The following KCNIP4 variants were observed in gnomAD, a reference collection of about 807,000 sequenced individuals.
The protein encoded by KCNIP4 is Kv channel-interacting protein 4.
A neutral mutation model predicts 34.0 loss-of-function variants in KCNIP4; 12 were observed. The ratio of observed to expected loss-of-function variants is 0.35; its 90% confidence interval spans 0.23 to 0.57. The LOEUF is 0.57. KCNIP4 is among the 20% of genes least tolerant of loss of function. The pLI, the probability that KCNIP4 is intolerant of heterozygous loss-of-function variation, is 0.83. For synonymous variants in KCNIP4, 124 were observed against 102.2 expected (o/e 1.21, Z -1.29); for missense variants, 238 against 311.7 (o/e 0.76, Z 1.78).
chr4:21,444,415 A>C (rs2109717485), intron 1 of KCNIP4, among the ~76,000 whole-genome samples: 1 of 152,328 alleles, frequency 6.6e-6, no homozygotes. Context: ...CACATCAAAA[A>C]GCTTATCCAC....
At chr4:21,801,276 C>G (rs1224323155) in intron 1 of KCNIP4, among the ~76,000 whole-genome samples, 1 of 152,042 alleles carries the variant, frequency 6.6e-6, no homozygotes, top group Non-Finnish European at 1.5e-5. Context: ...AAATAAAGCT[C>G]TAAAATAGAT....
intron 1 of KCNIP4, among the ~76,000 whole-genome samples, chr4:21,863,030 C>T (rs1457256282): frequency 1.3e-5 from 2 of 150,996 alleles, no homozygotes; most frequent in Non-Finnish European, 1.5e-5. Context: ...TTTTCCCATA[C>T]TTTGGTACTG....
intron 1 of KCNIP4, among the ~76,000 whole-genome samples, chr4:21,010,415 C>T (rs1738964349): frequency 6.6e-6 from 1 of 152,218 alleles, no homozygotes; most frequent in Non-Finnish European, 1.5e-5. Context: ...TCTAATGACG[C>T]TTCTGAATGG....
intron 1 of KCNIP4, among the ~76,000 whole-genome samples, chr4:21,087,925 C>T (rs926182013): frequency 3.9e-5 from 6 of 152,094 alleles, no homozygotes; most frequent in African/African-American, 1.4e-4. Flanking sequence ...TTTCAAGATA[C>T]GCTTCCCTTC....
At chr4:21,116,578 T>C (rs975773326) in intron 1 of KCNIP4, among the ~76,000 whole-genome samples, 18 of 152,236 alleles carry the variant, frequency 1.2e-4, no homozygotes, top group Non-Finnish European at 2.1e-4. Context: ...TTGTTCTCTC[T>C]ATTGACCTGT....
At chr4:21,062,530 A>ATATGTGTG (rs1744013045) in intron 1 of KCNIP4, among the ~76,000 whole-genome samples, 1 of 149,202 alleles carries the variant, frequency 6.7e-6, no homozygotes, top group Non-Finnish European at 1.5e-5. Flanking sequence ...GTGTGTGTGC[A>ATATGTGTG]TGTGTGTGTG....
intron 1 of KCNIP4, among the ~76,000 whole-genome samples, chr4:21,274,290 A>G (rs911739928): frequency 2.0e-5 from 3 of 152,202 alleles, no homozygotes; most frequent in Non-Finnish European, 4.4e-5. Context: ...CAGAAAAACT[A>G]TCCTTGAATA....
intron 1 of KCNIP4, among the ~76,000 whole-genome samples, chr4:21,115,813 G>A (rs1577719514): frequency 6.6e-6 from 1 of 152,276 alleles, no homozygotes; most frequent in East Asian, 1.9e-4. Context: ...CTATTGGAAT[G>A]AAAACAAGAT....
chr4:20,965,153 A>G (rs1237401246), intron 1 of KCNIP4, among the ~76,000 whole-genome samples: 1 of 152,130 alleles, frequency 6.6e-6, no homozygotes, highest in Non-Finnish European at 1.5e-5. Flanking sequence ...TATTTAGAAG[A>G]AGCCTCAAAA....
intron 5 of KCNIP4, among the ~76,000 whole-genome samples, chr4:20,738,959 GT>G (rs778709458): frequency 4.3e-4 from 65 of 152,336 alleles, no homozygotes; most frequent in Middle Eastern, 3.4e-3. Context: ...CTGGCTCAGA[GT>G]GGCCCACACC....
At chr4:21,238,885 A>T (rs936504046) in intron 1 of KCNIP4, among the ~76,000 whole-genome samples, 1 of 152,184 alleles carries the variant, frequency 6.6e-6, no homozygotes, top group Non-Finnish European at 1.5e-5. Flanking sequence ...ACTAAAGTTC[A>T]TATGGAACCA....
At chr4:20,910,505 A>G (rs1203849102) in intron 1 of KCNIP4, among the ~76,000 whole-genome samples, 1 of 152,178 alleles carries the variant, frequency 6.6e-6, no homozygotes, top group East Asian at 1.9e-4. Flanking sequence ...GGGGCTGAAC[A>G]TGACAAGAAT....
chr4:21,054,752 T>C (rs1277658929), intron 1 of KCNIP4, among the ~76,000 whole-genome samples: 1 of 149,056 alleles, frequency 6.7e-6, no homozygotes, highest in East Asian at 2.0e-4. Flanking sequence ...CCTTATACTC[T>C]TCACAAAATT....
At chr4:21,526,323 C>T (rs113736336) in intron 1 of KCNIP4, among the ~76,000 whole-genome samples, 18 of 152,160 alleles carry the variant, frequency 1.2e-4, no homozygotes, top group African/African-American at 3.1e-4. Flanking sequence ...TCTTGCCTGC[C>T]GCCATGTAAG....
chr4:21,845,635 A>G (rs1470517118), intron 1 of KCNIP4: 1 of 152,050 alleles, frequency 6.6e-6, no homozygotes, highest in Non-Finnish European at 1.5e-5. Context: ...TAGTAATAAA[A>G]TTTACTTTTC....
chr4:21,602,542 C>G (rs1470679167), intron 1 of KCNIP4, among the ~76,000 whole-genome samples: 3 of 152,238 alleles, frequency 2.0e-5, no homozygotes, highest in African/African-American at 7.2e-5. Context: ...TGTGTGTTGA[C>G]TTTTCACATG....
At chr4:21,800,784 G>T (rs1174065085) in intron 1 of KCNIP4, among the ~76,000 whole-genome samples, 3 of 152,070 alleles carry the variant, frequency 2.0e-5, no homozygotes, top group Non-Finnish European at 4.4e-5. Context: ...CAAATAAATT[G>T]CAGGTATAGC....
chr4:21,089,734 C>A lies in KCNIP4; in HGVS notation c.62-207025G>T, dbSNP rs984202447. 4.6e-5 allele frequency among the ~76,000 whole-genome samples: 7 copies of A among 152,196 alleles called. No homozygotes were observed. In the South Asian group the frequency reaches 1.2e-3, roughly 27 times the overall value. On this transcript the variant is annotated intron_variant, in intron 1 of 8. Transcript: ENST00000382152. ...CATGGAGTATCACCTCATTCTTGGG[C>A]CATTGCAACTTCCTTGTATTCTCCT...
intron 1 of KCNIP4, among the ~76,000 whole-genome samples, chr4:21,376,392 T>C (rs1560343697): frequency 3.0e-5 from 1 of 33,288 alleles, no homozygotes; most frequent in Non-Finnish European, 7.7e-5. Context: ...CATGATGCCA[T>C]AAAGCATTGC....
Sources: gnomAD v4.1 joint callset for allele counts (sites outside exome capture counted in the v4.1 genomes callset) on GRCh38, gnomAD v4.1.1 for gene constraint, MANE v1.5 for transcripts, NCBI Gene and HGNC (gene_info 2026-07-23, HGNC 2026-07-21) for gene names.